The following PRPF8 variants were observed in gnomAD, a reference collection of about 807,000 sequenced individuals.
The protein encoded by PRPF8 is pre-mRNA processing factor 8.
PRPF8 carries 64 observed loss-of-function variants against 285.9 expected under a neutral mutation model. The ratio of observed to expected loss-of-function variants is 0.22; its 90% CI spans 0.18 to 0.28. The LOEUF (loss-of-function observed/expected upper bound fraction) is 0.28. Ranked by LOEUF, PRPF8 falls within the 10% of genes least tolerant of loss-of-function variation. The pLI is 1.00. For synonymous variants in PRPF8, 1,325 were observed against 1,118.2 expected (o/e 1.18, Z -3.69); for missense variants, 1,426 against 3,026.7 (o/e 0.47, Z 12.41).
intron 30 of PRPF8, 32 bp from the exon 31 acceptor site, chr17:1,660,033 T>C (rs370510417): frequency 2.5e-5 from 40 of 1,607,804 alleles, no homozygotes; most frequent in Non-Finnish European, 3.4e-5. Context: ...TTAAGACTTG[T>C]TAAGGAAGCC....
intron 37 of PRPF8, 74 bp from the exon 38 acceptor site, chr17:1,654,090 A>C (rs959345080): frequency 6.2e-7 from 1 of 1,609,808 alleles, no homozygotes. Flanking sequence ...GAAAGGGTGT[A>C]ACTTGGTAGG....
intron 24 of PRPF8, among the ~76,000 whole-genome samples, chr17:1,664,119 C>T (rs1911824338): frequency 6.6e-6 from 1 of 152,174 alleles, no homozygotes; most frequent in African/African-American, 2.4e-5. Context: ...CAGCCTCCAC[C>T]TCCCAGGCTC....
rs779247806 is a variant in PRPF8 at position 1,679,333 on chromosome 17, A to T, written c.1367T>A (p.Leu456Gln). ...AGGGGGCCGATGCTTCAGGGCATTC[A>T]GCACATAGTACTTAAGCAGCTTCTG... is the stretch of plus-strand genomic sequence containing the variant. Reference protein sequence around the residue: ...SYQKLLKYYVLNALKHRPPKA... With the variant: ...SYQKLLKYYVQNALKHRPPKA... Residue 456 changes from leucine to glutamine, a missense_variant, in exon 10 of 43, where the codon CTG (leucine) becomes CAG (glutamine). This residue lies in a region of PRPF8 where 137 missense variants were observed against 161.2 expected (regional missense o/e 0.85). Transcript: ENST00000304992. The surrounding 1 kb of genome is among the most constrained non-coding windows in gnomAD (Gnocchi z 4.7). The T allele has an allele frequency of 2.5e-6, 4 of 1,614,170 alleles. No homozygotes were observed. Among genetic ancestry groups the T allele is most frequent in the Non-Finnish European group, 3.4e-6 (4 of 1,180,026 alleles).
At chr17:1,662,822 CTG>C (rs1567680728) in intron 24 of PRPF8, among the ~76,000 whole-genome samples, 2 of 137,188 alleles carry the variant, frequency 1.5e-5, no homozygotes, top group Non-Finnish European at 3.0e-5. Context: ...CAGAGCAAGA[CTG>C]TGTCTCAAAA....
chr17:1,673,375 G>C lies in PRPF8; in HGVS notation c.3639C>G (p.Val1213=). The part of the protein sequence containing the change: ...SYEEFTHKDG[V]WNLQNEVTKE... ...GCTGTACCTCATTCTGCAGGTTCCA[G>C]ACCCCGTCCTTGTGGGTGAACTCCT... Residue 1213 remains valine, a synonymous_variant, in exon 23 of 43, where the codon GTC becomes GTG. Transcript: ENST00000304992. This position sits in a 1 kb window ranked among gnomAD's most constrained non-coding sequence, Gnocchi z 5.5. The C allele has an allele frequency of 3.7e-6, 6 of 1,614,060 alleles. No homozygotes were observed. The highest frequency in any genetic ancestry group is 5.1e-6 in the Non-Finnish European group (6 of 1,180,028).
rs760419574 is a variant in PRPF8 at position 1,673,339 on chromosome 17, G to C, written c.3657+18C>G. ...TGCAGGCGCGTTCATGTCACTCCCA[G>C]CCCCGCCCAGGCTGTACCTCATTCT... On this transcript the variant is annotated intron_variant, in intron 23 of 42. Transcript: ENST00000304992. The surrounding 1 kb of genome is among the most constrained non-coding windows in gnomAD (Gnocchi z 5.5). The C allele has an allele frequency of 2.5e-6, 4 of 1,613,490 alleles. No homozygotes were observed. The highest frequency in any genetic ancestry group is 1.7e-5 in the Admixed American group (1 of 59,976).
rs989905114 is a variant in PRPF8, at chr17:1,676,883, T to A, written c.2181+93A>T. 1.3e-6 allele frequency: 2 copies of A among 1,527,794 alleles called. No homozygotes were observed. The highest frequency in any genetic ancestry group is 1.4e-5 in the African/African-American group (1 of 73,078). The allele number at this position is 1,527,794 out of a possible 1,614,324, so 94.6% of individuals were successfully genotyped here. ...TGTCTAAAAGGGAAAAGAAAAGAGA[T>A]TGGAGCCAGATAGCCCCCTAATGAT... On this transcript the variant is annotated intron_variant, in intron 15 of 42. Coordinates refer to ENST00000304992, the MANE Select transcript of PRPF8 (RefSeq NM_006445.4). The surrounding 1 kb of genome is among the most constrained non-coding windows in gnomAD (Gnocchi z 6.3).
Position 1,659,918 on chromosome 17 carries a change from G to A in PRPF8, c.4869C>T (p.Asn1623=), listed in dbSNP as rs1281711301. The A allele has an allele frequency of 1.9e-6, 3 of 1,614,070 alleles. No homozygotes were observed. Among genetic ancestry groups the A allele is most frequent in the South Asian group, 2.2e-5 (2 of 91,084 alleles). Residue 1623 remains asparagine, a synonymous_variant, in exon 31 of 43, where the codon AAC becomes AAT. Coordinates refer to ENST00000304992, the MANE Select transcript of PRPF8 (RefSeq NM_006445.4). This position sits in a 1 kb window ranked among gnomAD's most constrained non-coding sequence, Gnocchi z 5.1. ...AGAGCAGGATATCTGCACAGGAAGA[G>A]TTCATCTTATATGACTTTCGGGGAT... ...TIHPRKSYKM[N]SSCADILLFA...
chr17:1,651,131 G>T lies in PRPF8; in HGVS notation c.6830C>A (p.Ser2277Tyr), dbSNP rs759083538. The T allele has an allele frequency of 1.2e-6, 2 of 1,614,168 alleles. No homozygotes were observed. Among genetic ancestry groups the T allele is most frequent in the Non-Finnish European group, 1.7e-6 (2 of 1,180,026 alleles). ...FLGFFMVPAQ[S>Y]SWNYNFMGVR... ...ACCCATGAAGTTGTAGTTCCACGAG[G>T]ACTGGGCAGGGACCATGAAGAAGCC... Residue 2277 changes from serine to tyrosine, a missense_variant, in exon 42 of 43, where the codon TCC becomes TAC. Coordinates refer to ENST00000304992, the MANE Select transcript of PRPF8 (RefSeq NM_006445.4). This position sits in a 1 kb window ranked among gnomAD's most constrained non-coding sequence, Gnocchi z 5.1.
chr17:1,673,696 G>A lies in PRPF8; in HGVS notation c.3446+50C>T. ...CGCAGCCTCAGGTATGCCCTCTCTG[G>A]GCCCTTAGCTTATGTCCTTCCAGCT... On this transcript the variant is annotated intron_variant, in intron 22 of 42. Transcript: ENST00000304992. The surrounding 1 kb of genome is among the most constrained non-coding windows in gnomAD (Gnocchi z 5.5). The A allele has an allele frequency of 6.2e-7, 1 of 1,612,968 alleles. No individual in the cohort carries two copies.
rs1912572424 is a variant in PRPF8, at chr17:1,675,687, C to G, written c.2805G>C (p.Leu935=). 6.2e-7 allele frequency: 1 copy of G among 1,614,144 alleles called. No homozygotes were observed. The highest frequency in any genetic ancestry group is 1.1e-5 in the South Asian group (1 of 91,084). ...YLWYEADKRR[L]FPPWIKPADT... ...CTGCAGGCTTAATCCAGGGTGGGAA[C>G]AGGCGGCGCTTGTCGGCTTCATACC... Residue 935 remains leucine, a synonymous_variant, in exon 19 of 43, where the codon CTG becomes CTC. Transcript: ENST00000304992. The surrounding 1 kb of genome is among the most constrained non-coding windows in gnomAD (Gnocchi z 6.0).
chr17:1,660,652 C>T, intron 29 of PRPF8, 46 bp downstream of exon 29: 7 of 1,614,178 alleles, frequency 4.3e-6, no homozygotes, highest in Non-Finnish European at 5.9e-6. Context: ...AGGCAAGAAG[C>T]AGCAACTGTC....
chr17:1,673,301 C>T lies in PRPF8; in HGVS notation c.3657+56G>A. ...TTTCCACCCAACAAGACTCCGGTGA[C>T]TGACCCAGGAAGTGCAGGCGCGTTC... On this transcript the variant is annotated intron_variant, in intron 23 of 42. Coordinates refer to ENST00000304992, the MANE Select transcript of PRPF8 (RefSeq NM_006445.4). This position sits in a 1 kb window ranked among gnomAD's most constrained non-coding sequence, Gnocchi z 5.5. 1 of 1,609,344 alleles carries T rather than the reference C, an allele frequency of 6.2e-7. No homozygotes were observed. Among genetic ancestry groups the T allele is most frequent in the Non-Finnish European group, 8.5e-7 (1 of 1,176,352 alleles).
At chr17:1,683,062 C>G in intron 3 of PRPF8, 1 of 183,266 alleles carries the variant, frequency 5.5e-6, no homozygotes, top group South Asian at 9.5e-5. Context: ...GTGGTGTGAT[C>G]TCGGCTCACT....
intron 24 of PRPF8, among the ~76,000 whole-genome samples, chr17:1,662,830 CA>C (rs541846587): frequency 0.29 from 23,403 of 80,818 alleles, 3,789 homozygotes; most frequent in African/African-American, 0.57. Flanking sequence ...GACTGTGTCT[CA>C]AAAAAAAAAA....
chr17:1,664,895 T>C (rs988394093), intron 24 of PRPF8, among the ~76,000 whole-genome samples: 1 of 151,936 alleles, frequency 6.6e-6, no homozygotes, highest in African/African-American at 2.4e-5. Flanking sequence ...CGATGGCTCA[T>C]ATCTGTAAGC....
At chr17:1,682,734 C>CT (rs1188209477) in intron 3 of PRPF8, among the ~76,000 whole-genome samples, 2 of 152,302 alleles carry the variant, frequency 1.3e-5, no homozygotes, top group African/African-American at 2.4e-5. Flanking sequence ...GCACAGTTCT[C>CT]TAAGTATTTT....
At chr17:1,662,613 TC>T (rs1233125121) in intron 24 of PRPF8, among the ~76,000 whole-genome samples, 1 of 139,472 alleles carries the variant, frequency 7.2e-6, no homozygotes, top group Non-Finnish European at 1.5e-5. Context: ...AAAAAATGGT[TC>T]CCCTGGGCCA....
intron 4 of PRPF8, 23 bp downstream of exon 4, chr17:1,682,106 C>T (rs755815790): frequency 1.2e-6 from 2 of 1,613,706 alleles, no homozygotes; most frequent in African/African-American, 2.7e-5. Flanking sequence ...CACCACCACC[C>T]ACCATATTTC....
Sources: allele counts gnomAD v4.1 joint callset (sites outside exome capture counted in the v4.1 genomes callset), GRCh38; gene constraint gnomAD v4.1.1; regional missense constraint gnomAD v4.1.1; non-coding constraint Gnocchi (gnomAD v3.1); transcripts MANE v1.5; gene names NCBI Gene and HGNC (gene_info 2026-07-23, HGNC 2026-07-21).